TOX: variants seen among roughly 807,000 people sequenced by gnomAD.
TOX encodes the protein thymocyte selection-associated high mobility group box protein TOX.
In TOX, 11 loss-of-function variants were observed where a neutral mutation model predicts 53.7. The ratio of observed to expected loss-of-function variants is 0.20; its 90% CI spans 0.13 to 0.34. The LOEUF is 0.34. Among genes scored for constraint, TOX ranks in the 10% least tolerant of loss-of-function variants. TOX has a pLI of 1.00. For missense variants in TOX, 570 were observed against 664.6 expected (o/e 0.86, Z 1.56); for synonymous variants, 225 against 245.3 (o/e 0.92, Z 0.77).
Position 58,894,249 on chromosome 8 carries a change from G to A in TOX, c.412-42444C>T, listed in dbSNP as rs570425232. Among the ~76,000 whole-genome samples, 22 of 152,278 alleles carry A rather than the reference G, an allele frequency of 1.4e-4. 1 individual carries two copies. The South Asian group carries it at 2.7e-3, about 19-fold the overall frequency. ...CTTTGCTGATTGCACACCCTGCTAC[G>A]GCAATCTGTGCAGGTACTGCACAAA... On this transcript the variant is annotated intron_variant, in intron 3 of 8. Coordinates refer to ENST00000361421, the MANE Select transcript of TOX (RefSeq NM_014729.3).
chr8:58,859,117 C>T (rs562797245), intron 3 of TOX, among the ~76,000 whole-genome samples: 18 of 152,076 alleles, frequency 1.2e-4, no homozygotes, highest in Non-Finnish European at 2.5e-4. Flanking sequence ...TTTACGTGAC[C>T]TTCTTGTGAT....
At chr8:58,965,894 G>GCTTTTTTTTTTTTTTTTTTTTTTTTTTTT (rs1374766431) in intron 1 of TOX, among the ~76,000 whole-genome samples, 2 of 49,616 alleles carry the variant, frequency 4.0e-5, no homozygotes, top group African/African-American at 1.5e-4. Flanking sequence ...ACGAGTCATC[G>GCTTTTTTTTTTTTTTTTTTTTTTTTTTTT]TTTTTTTTTT....
chr8:59,041,112 A>G (rs1433683865), intron 1 of TOX, among the ~76,000 whole-genome samples: 1 of 111,790 alleles, frequency 8.9e-6, no homozygotes, highest in African/African-American at 2.9e-5. Context: ...GTGTGTGTGT[A>G]CATGTGTAAA....
intron 1 of TOX, among the ~76,000 whole-genome samples, chr8:59,070,898 A>G (rs186363115): frequency 1.2e-4 from 18 of 152,320 alleles, no homozygotes. Context: ...TGCATCCCGA[A>G]CAAAAGCAAT....
chr8:58,826,326 A>T (rs1349282350), intron 6 of TOX, among the ~76,000 whole-genome samples: 2 of 152,236 alleles, frequency 1.3e-5, no homozygotes, highest in African/African-American at 4.8e-5. Context: ...TATTTATAAC[A>T]GGAAGAACTA....
Position 58,924,032 on chromosome 8 carries a change from A to T in TOX, c.411+15270T>A, listed in dbSNP as rs141229116. ...AACTTTTATATTCCATGAAGCTCTA[A>T]GGTAAGAATCTTCTGATAAGAGAAT... On this transcript the variant is annotated intron_variant, in intron 3 of 8. Coordinates refer to ENST00000361421, the MANE Select transcript of TOX (RefSeq NM_014729.3). Among the ~76,000 whole-genome samples, 29 of 152,332 alleles carry T rather than the reference A, an allele frequency of 1.9e-4. No individual in the cohort carries two copies. The East Asian group carries it at 5.6e-3, about 29-fold the overall frequency.
At chr8:58,987,006 T>G (rs1182720267) in intron 1 of TOX, among the ~76,000 whole-genome samples, 2 of 152,338 alleles carry the variant, frequency 1.3e-5, no homozygotes, top group Middle Eastern at 3.4e-3. Context: ...TTTCATTACC[T>G]TCTTTAAGAG....
chr8:59,088,542 C>T (rs1400432138), intron 1 of TOX, among the ~76,000 whole-genome samples: 1 of 152,084 alleles, frequency 6.6e-6, no homozygotes, highest in East Asian at 1.9e-4. Flanking sequence ...CATCATAGTC[C>T]CTGTTTCTGT....
At chr8:58,859,482 A>G (rs1254234813) in intron 3 of TOX, among the ~76,000 whole-genome samples, 1 of 152,198 alleles carries the variant, frequency 6.6e-6, no homozygotes, top group Non-Finnish European at 1.5e-5. Context: ...TCTTTACAGT[A>G]CGCTACAATA....
At chr8:59,078,676 A>G (rs955832033) in intron 1 of TOX, among the ~76,000 whole-genome samples, 5 of 152,224 alleles carry the variant, frequency 3.3e-5, no homozygotes, top group Non-Finnish European at 7.3e-5. Flanking sequence ...ACAGCCTAAC[A>G]CAGAAAATTG....
At chr8:58,831,352 C>T (rs1209907988) in intron 5 of TOX, among the ~76,000 whole-genome samples, 8 of 152,094 alleles carry the variant, frequency 5.3e-5, no homozygotes, top group African/African-American at 1.9e-4. Flanking sequence ...GTGTGAGGCA[C>T]CGATGTTATA....
chr8:58,965,027 C>T (rs924056313), intron 1 of TOX, among the ~76,000 whole-genome samples: 1 of 152,138 alleles, frequency 6.6e-6, no homozygotes, highest in African/African-American at 2.4e-5. Flanking sequence ...ATATAACTAA[C>T]TGCATTTCCT....
chr8:58,888,534 T>A (rs1811509187), intron 3 of TOX, among the ~76,000 whole-genome samples: 1 of 152,054 alleles, frequency 6.6e-6, no homozygotes. Flanking sequence ...CCAGGATATT[T>A]TTGTTTTTAT....
At chr8:58,865,273 T>C (rs775910852) in intron 3 of TOX, among the ~76,000 whole-genome samples, 6 of 152,168 alleles carry the variant, frequency 3.9e-5, no homozygotes, top group Non-Finnish European at 5.9e-5. Context: ...CCATTATATA[T>C]TGGAAGGCTG....
At chr8:58,890,201 T>C (rs1012743070) in intron 3 of TOX, among the ~76,000 whole-genome samples, 7 of 152,210 alleles carry the variant, frequency 4.6e-5, no homozygotes, top group African/African-American at 1.4e-4. Context: ...GTTGGTAGTC[T>C]ACACTGGGAG....
intron 2 of TOX, among the ~76,000 whole-genome samples, chr8:58,945,659 C>G (rs762518863): frequency 6.6e-6 from 1 of 152,152 alleles, no homozygotes; most frequent in Non-Finnish European, 1.5e-5. Flanking sequence ...TTTGCTACAG[C>G]CAGTTCCTAT....
At chr8:59,087,102 G>C (rs927104186) in intron 1 of TOX, among the ~76,000 whole-genome samples, 5 of 152,158 alleles carry the variant, frequency 3.3e-5, no homozygotes, top group Non-Finnish European at 7.3e-5. Flanking sequence ...CTTTCTGCAG[G>C]CTGAAGAATG....
intron 8 of TOX, 130 bp from the exon 9 acceptor site, chr8:58,807,913 A>G: frequency 3.0e-6 from 4 of 1,321,934 alleles, no homozygotes; most frequent in Non-Finnish European, 4.3e-6. Context: ...CAATTAGTTA[A>G]CCTACATCTG....
chr8:58,834,062 A>T (rs998041378), intron 5 of TOX, among the ~76,000 whole-genome samples: 2 of 152,208 alleles, frequency 1.3e-5, no homozygotes, highest in African/African-American at 4.8e-5. Context: ...ACAATGAGGA[A>T]GCATGTGATA....
Sources: allele counts gnomAD v4.1 joint callset (sites outside exome capture counted in the v4.1 genomes callset), GRCh38; gene constraint gnomAD v4.1.1; transcripts MANE v1.5; gene names NCBI Gene and HGNC (gene_info 2026-07-23, HGNC 2026-07-21).